DIS3L2: variants seen among roughly 807,000 people sequenced by gnomAD.
DIS3L2 encodes the protein DIS3 like 3'-5' exoribonuclease 2.
DIS3L2 carries 34 observed loss-of-function variants against 97.5 expected under a neutral mutation model. The ratio of observed to expected loss-of-function variants is 0.35; its 90% CI spans 0.27 to 0.46. The LOEUF is 0.46. Ranked by LOEUF, DIS3L2 falls within the 20% of genes least tolerant of loss-of-function variation. The pLI is 1.00. For missense variants in DIS3L2, 1,038 were observed against 1,146.0 expected, an observed-to-expected ratio of 0.91 and a Z score of 1.36; for synonymous variants, 435 against 445.2, an observed-to-expected ratio of 0.98 and a Z score of 0.29.
intron 1 of DIS3L2, among the ~76,000 whole-genome samples, chr2:232,003,851 C>A (rs1206378788): frequency 1.3e-5 from 2 of 152,054 alleles, no homozygotes; most frequent in African/African-American, 4.8e-5. Flanking sequence ...TGAGGTATTT[C>A]TTTTTATGTT....
At chr2:232,255,592 A>G (rs923992965) in intron 12 of DIS3L2, among the ~76,000 whole-genome samples, 1 of 152,186 alleles carries the variant, frequency 6.6e-6, no homozygotes, top group African/African-American at 2.4e-5. Flanking sequence ...TATTTTTAGC[A>G]TATTTCTCAC....
At chr2:231,990,461 C>A (rs1053898701) in intron 1 of DIS3L2, among the ~76,000 whole-genome samples, 1 of 152,088 alleles carries the variant, frequency 6.6e-6, no homozygotes, top group Non-Finnish European at 1.5e-5. Context: ...AAATCTTAGT[C>A]GCTTCAGTGT....
chr2:232,008,189 C>T (rs1418827135), intron 1 of DIS3L2, among the ~76,000 whole-genome samples: 5 of 127,768 alleles, frequency 3.9e-5, no homozygotes, highest in African/African-American at 1.4e-4. Flanking sequence ...ATTTTTTGTA[C>T]TTTTTTTTTT....
chr2:231,985,905 A>C lies in DIS3L2; in HGVS notation c.-94+24140A>C, dbSNP rs1224517748. Among the ~76,000 whole-genome samples the C allele has an allele frequency of 3.9e-5, 6 of 152,234 alleles. No individual in the cohort carries two copies. In the South Asian group the frequency reaches 1.2e-3, roughly 32 times the overall value. The stretch of plus-strand genomic sequence containing the variant: ...AGGTGATTGACATTTCAGTCAGTGG[A>C]CTGGGAGAGGAAGACCCACCCTCTG... On this transcript the variant is annotated intron_variant, in intron 1 of 20. Coordinates refer to ENST00000325385, the MANE Select transcript of DIS3L2 (RefSeq NM_152383.5).
intron 6 of DIS3L2, among the ~76,000 whole-genome samples, chr2:232,107,731 A>G (rs1245261390): frequency 6.6e-6 from 1 of 152,172 alleles, no homozygotes; most frequent in Admixed American, 6.6e-5. Context: ...GAATATTATC[A>G]CCACAGAAAT....
At position 232,221,101 on chromosome 2, in the gene DIS3L2, C is replaced by CAAAAA. The variant is rs373784144; in HGVS notation, c.1204+10712_1204+10716dup. On this transcript the variant is annotated intron_variant, in intron 10 of 20. Coordinates refer to ENST00000325385, the MANE Select transcript of DIS3L2 (RefSeq NM_152383.5). ...TGGGTGACAGAACAAGACTTCATCT[C>CAAAAA]AAAAAAAAAAAAAAAAAAAAGTTTG... Among the ~76,000 whole-genome samples the CAAAAA allele has an allele frequency of 7.2e-5, 7 of 97,512 alleles. 1 individual carries two copies. Among genetic ancestry groups the CAAAAA allele is most frequent in the East Asian group, 6.1e-4 (2 of 3,284 alleles). 64.0% of individuals were successfully genotyped at this position (97,512 alleles called of 152,430 possible).
At position 232,263,277 on chromosome 2, in the gene DIS3L2, G is replaced by A. The variant is rs772228583; in HGVS notation, c.1496G>A (p.Ser499Asn). Reference sequence around the variant, plus strand: ...AAACTTAGCTACGAGCATGCACAGAGCATGATTGAAAGCCCAACTGAGAAA... The same window carrying A: ...AAACTTAGCTACGAGCATGCACAGAACATGATTGAAAGCCCAACTGAGAAA... The part of the protein sequence containing the change: ...CTKLSYEHAQ[S>N]MIESPTEKIP... Residue 499 changes from serine to asparagine, a missense_variant, in exon 13 of 21, where the codon AGC becomes AAC. Coordinates refer to ENST00000325385, the MANE Select transcript of DIS3L2 (RefSeq NM_152383.5). 2 of 1,614,214 alleles carry A rather than the reference G, an allele frequency of 1.2e-6. No homozygotes were observed. Among genetic ancestry groups the A allele is most frequent in the African/African-American group, 1.3e-5 (1 of 75,042 alleles).
intron 14 of DIS3L2, among the ~76,000 whole-genome samples, chr2:232,309,086 C>A (rs980805256): frequency 2.6e-5 from 4 of 152,186 alleles, no homozygotes; most frequent in Non-Finnish European, 4.4e-5. Context: ...CAGGGCTTTC[C>A]CGTGCTGGCA....
At chr2:231,979,748 T>C (rs1693197974) in intron 1 of DIS3L2, among the ~76,000 whole-genome samples, 2 of 152,066 alleles carry the variant, frequency 1.3e-5, no homozygotes, top group South Asian at 4.2e-4. Flanking sequence ...CAGCTACTTT[T>C]TGTATTTTTA....
At chr2:232,330,345 G>C (rs1262985710) in intron 15 of DIS3L2, among the ~76,000 whole-genome samples, 1 of 152,210 alleles carries the variant, frequency 6.6e-6, no homozygotes, top group Non-Finnish European at 1.5e-5. Flanking sequence ...GTACTTTCAG[G>C]TGCTCCCTGC....
chr2:232,192,831 G>T (rs1023564811), intron 9 of DIS3L2, among the ~76,000 whole-genome samples: 1 of 152,216 alleles, frequency 6.6e-6, no homozygotes, highest in African/African-American at 2.4e-5. Context: ...CACTTAAGCA[G>T]AAAGGGGAAT....
chr2:232,230,771 T>G (rs572724135), intron 10 of DIS3L2, among the ~76,000 whole-genome samples: 1 of 152,282 alleles, frequency 6.6e-6, no homozygotes, highest in Non-Finnish European at 1.5e-5. Context: ...GGCTTCCCAT[T>G]GCACTTGAAG....
At chr2:232,230,409 G>A (rs1282747340) in intron 10 of DIS3L2, among the ~76,000 whole-genome samples, 1 of 152,138 alleles carries the variant, frequency 6.6e-6, no homozygotes, top group Admixed American at 6.5e-5. Flanking sequence ...CAGCCCCCTT[G>A]GTTGGATTAC....
intron 5 of DIS3L2, among the ~76,000 whole-genome samples, chr2:232,042,711 G>A (rs912439288): frequency 6.6e-6 from 1 of 152,174 alleles, no homozygotes; most frequent in Non-Finnish European, 1.5e-5. Context: ...CTGAAATAAG[G>A]AGTGTATTGT....
At position 232,336,753 on chromosome 2, in the gene DIS3L2, T is replaced by C. The variant is rs756096309; in HGVS notation, c.*123T>C. ...TAACAACTCAGGGGTTTGTTTTTAT[T>C]TTTATTTAATTTTTGCAGCTCAACT... is the stretch of plus-strand genomic sequence containing the variant. On this transcript the variant is annotated 3_prime_UTR_variant, in exon 21 of 21. Coordinates refer to ENST00000325385, the MANE Select transcript of DIS3L2 (RefSeq NM_152383.5). The C allele has an allele frequency of 2.7e-6, 4 of 1,485,122 alleles. No individual in the cohort carries two copies. Among genetic ancestry groups the C allele is most frequent in the Non-Finnish European group, 2.7e-6 (3 of 1,128,644 alleles). The allele number at this position is 1,485,122 out of a possible 1,614,324, so 92.0% of individuals were successfully genotyped here.
At position 232,329,957 on chromosome 2, in the gene DIS3L2, G is replaced by A. The variant is rs750799033; in HGVS notation, c.1884G>A (p.Met628Ile). 1.9e-6 allele frequency: 3 copies of A among 1,612,878 alleles called. No homozygotes were observed. In the South Asian group the frequency reaches 3.3e-5, roughly 18 times the overall value. Residue 628 changes from methionine (M) to isoleucine (I), a missense_variant, in exon 15 of 21, where the codon ATG becomes ATA. Physicochemically the swap from Met to Ile is conservative, Grantham distance 10 (BLOSUM62 1). Around this residue, in one of 3 missense-constraint regions of DIS3L2, gnomAD observed 813 missense variants for 880.1 expected, o/e 0.92. Coordinates refer to ENST00000325385, the MANE Select transcript of DIS3L2 (RefSeq NM_152383.5). ...ACCTGGTGGAATTCTGCGACCAGATGGGGCTGCCCGTGGACTTCAGCTCCG... is the reference window on the plus strand; with the variant it reads ...ACCTGGTGGAATTCTGCGACCAGATAGGGCTGCCCGTGGACTTCAGCTCCG... ...LSDLVEFCDQ[M>I]GLPVDFSSAG...
At chr2:231,987,181 T>A (rs1693438991) in intron 1 of DIS3L2, among the ~76,000 whole-genome samples, 1 of 152,192 alleles carries the variant, frequency 6.6e-6, no homozygotes. Flanking sequence ...TAGTCTTTGT[T>A]AATTGTCTCA....
At chr2:232,021,839 A>T (rs1413876169) in intron 3 of DIS3L2, among the ~76,000 whole-genome samples, 1 of 152,140 alleles carries the variant, frequency 6.6e-6, no homozygotes, top group East Asian at 1.9e-4. Flanking sequence ...GTTATGAGAG[A>T]TAAAATAGAC....
chr2:232,171,882 G>A (rs1247731954), intron 9 of DIS3L2, among the ~76,000 whole-genome samples: 4 of 152,094 alleles, frequency 2.6e-5, no homozygotes, highest in Non-Finnish European at 5.9e-5. Flanking sequence ...AATACTCAAA[G>A]ATCAATAGAT....
Sources: gnomAD v4.1 joint callset for allele counts (sites outside exome capture counted in the v4.1 genomes callset) on GRCh38, gnomAD v4.1.1 for gene constraint, gnomAD v4.1.1 regional missense constraint, MANE v1.5 for transcripts, NCBI Gene and HGNC (gene_info 2026-07-23, HGNC 2026-07-21) for gene names.